The following RFX3 variants were observed in gnomAD, a reference collection of about 807,000 sequenced individuals.
The protein encoded by RFX3 is transcription factor RFX3.
RFX3 carries 14 observed loss-of-function variants against 98.6 expected under a neutral mutation model. That is an observed-to-expected ratio of 0.14 (90% CI 0.09 to 0.22). The LOEUF (loss-of-function observed/expected upper bound fraction) is 0.22, where lower values mean the gene tolerates loss of function less well. Ranked by LOEUF, RFX3 falls within the 10% of genes least tolerant of loss-of-function variation. The probability of loss-of-function intolerance (pLI) is 1.00; values close to 1 mark genes in which losing one functional copy is unlikely to be tolerated. For missense variants in RFX3, 639 were observed against 926.9 expected (o/e 0.69, Z 4.03); for synonymous variants, 383 against 328.4 (o/e 1.17, Z -1.80).
At position 3,414,748 on chromosome 9, in the gene RFX3, A is replaced by ATATATGAGTATATATG. The variant is rs1212248128; in HGVS notation, c.-8-19168_-8-19153dup. ...TATGAGTATATATGTATATATGAGTATATATGAGTATATATGTATATATGA... is the reference window on the plus strand; with the variant it reads ...TATGAGTATATATGTATATATGAGTATATATGAGTATATATGTATATGAGTATATATGTATATATGA... On this transcript the variant is annotated intron_variant, in intron 1 of 16. Transcript: ENST00000617270. Among the ~76,000 whole-genome samples the ATATATGAGTATATATG allele has an allele frequency of 3.5e-4, 43 of 124,244 alleles. 3 individuals carry two copies. Among genetic ancestry groups the ATATATGAGTATATATG allele is most frequent in the Non-Finnish European group, 7.0e-4 (40 of 57,302 alleles). 81.5% of individuals were successfully genotyped at this position (124,244 alleles called of 152,430 possible). A position where few individuals can be genotyped will look rare whatever the true frequency, so the allele number is the denominator to read the frequency against.
chr9:3,231,997 C>A (rs1818519228), intron 15 of RFX3, among the ~76,000 whole-genome samples: 1 of 151,976 alleles, frequency 6.6e-6, no homozygotes, highest in South Asian at 2.1e-4. Flanking sequence ...CGTGCCACTG[C>A]ACTCCAGCCT....
At chr9:3,351,951 G>C (rs965444292) in intron 2 of RFX3, among the ~76,000 whole-genome samples, 1 of 151,832 alleles carries the variant, frequency 6.6e-6, no homozygotes, top group African/African-American at 2.4e-5. Context: ...CTCAATATCT[G>C]AAGAGTTGCT....
At chr9:3,237,818 T>C (rs987328097) in intron 15 of RFX3, among the ~76,000 whole-genome samples, 3 of 152,194 alleles carry the variant, frequency 2.0e-5, no homozygotes, top group Non-Finnish European at 2.9e-5. Context: ...GAGCACAGCA[T>C]GGGCGGAACA....
At chr9:3,444,928 G>GAAA (rs1845907624) in intron 1 of RFX3, among the ~76,000 whole-genome samples, 1 of 152,146 alleles carries the variant, frequency 6.6e-6, no homozygotes, top group Non-Finnish European at 1.5e-5. Context: ...TTAGGTGAGG[G>GAAA]TCTAGGAGAA....
intron 1 of RFX3, chr9:3,452,327 A>C (rs926364670): frequency 3.4e-6 from 1 of 290,940 alleles, no homozygotes; most frequent in Middle Eastern, 8.0e-4. Context: ...ACATTGGCTC[A>C]TGCCTGTAAT....
chr9:3,220,741 A>G lies in RFX3; in HGVS notation c.*4301T>C, dbSNP rs1469004197. 1 of 152,018 alleles carries G rather than the reference A, an allele frequency of 6.6e-6. No individual in the cohort carries two copies. Among genetic ancestry groups the G allele is most frequent in the African/African-American group, 2.4e-5 (1 of 41,410 alleles). 9.4% of individuals were successfully genotyped at this position (152,018 alleles called of 1,614,324 possible). On this transcript the variant is annotated 3_prime_UTR_variant, in exon 17 of 17. Coordinates refer to ENST00000617270, the MANE Select transcript of RFX3 (RefSeq NM_001282116.2). Reference sequence around the variant, plus strand: ...CTGAAAGGCTTTTGTCCCCCATTGTATATCTTACAATGCTCAAAGGGTTAA... The same window carrying G: ...CTGAAAGGCTTTTGTCCCCCATTGTGTATCTTACAATGCTCAAAGGGTTAA...
rs554884122 is a variant in RFX3, at chr9:3,458,939, T to C, written c.-8-63343A>G. 2.0e-5 allele frequency among the ~76,000 whole-genome samples: 3 copies of C among 152,250 alleles called. No individual in the cohort carries two copies. The South Asian group carries it at 6.2e-4, about 32-fold the overall frequency. On this transcript the variant is annotated intron_variant, in intron 1 of 16. Transcript: ENST00000617270. ...ATTTGATTATCTGCCAAGAATAGTA[T>C]TGAAAACATTCCTGCATTGCCGTAG...
At chr9:3,376,360 C>A (rs1256728257) in intron 2 of RFX3, among the ~76,000 whole-genome samples, 1 of 152,132 alleles carries the variant, frequency 6.6e-6, no homozygotes, top group African/African-American at 2.4e-5. Context: ...AAATAAAAAC[C>A]TATGCCCTGA....
chr9:3,316,199 T>C (rs968553980), intron 4 of RFX3, among the ~76,000 whole-genome samples: 1 of 152,182 alleles, frequency 6.6e-6, no homozygotes, highest in African/African-American at 2.4e-5. Flanking sequence ...GCTTCATCCC[T>C]GGGATGCAAG....
chr9:3,264,768 A>C (rs1234530157), intron 12 of RFX3, among the ~76,000 whole-genome samples: 1 of 152,176 alleles, frequency 6.6e-6, no homozygotes, highest in Non-Finnish European at 1.5e-5. Context: ...TTGAATGTGG[A>C]GAGGAAAAAA....
At chr9:3,402,258 C>T (rs923059442) in intron 1 of RFX3, among the ~76,000 whole-genome samples, 9 of 152,128 alleles carry the variant, frequency 5.9e-5, no homozygotes, top group African/African-American at 2.2e-4. Context: ...AAGTTTGGTT[C>T]CACTACACTT....
chr9:3,431,095 A>T (rs1159424943), intron 1 of RFX3, among the ~76,000 whole-genome samples: 1 of 152,198 alleles, frequency 6.6e-6, no homozygotes, highest in Non-Finnish European at 1.5e-5. Context: ...TTTTGTAGCC[A>T]CCTTGTGTTG....
chr9:3,296,334 A>C (rs1281101016), intron 5 of RFX3, among the ~76,000 whole-genome samples: 1 of 152,016 alleles, frequency 6.6e-6, no homozygotes. Context: ...CCTAAATGAT[A>C]TTACTTATAT....
chr9:3,284,788 G>C (rs933494992), intron 7 of RFX3, among the ~76,000 whole-genome samples: 1 of 151,614 alleles, frequency 6.6e-6, no homozygotes, highest in African/African-American at 2.4e-5. Flanking sequence ...CTTTATTTTA[G>C]GTAAAATGGC....
At chr9:3,384,685 T>C (rs982948287) in intron 2 of RFX3, among the ~76,000 whole-genome samples, 2 of 152,192 alleles carry the variant, frequency 1.3e-5, no homozygotes, top group Non-Finnish European at 1.5e-5. Flanking sequence ...ATAGCTATTA[T>C]TGAAAACTTA....
intron 13 of RFX3, 29 bp downstream of exon 13, chr9:3,262,906 G>C (rs1393816846): frequency 1.2e-6 from 2 of 1,607,232 alleles, no homozygotes; most frequent in Non-Finnish European, 1.7e-6. Context: ...CTTTCCTTAA[G>C]AGACATGCTT....
At chr9:3,441,833 C>A (rs887249287) in intron 1 of RFX3, among the ~76,000 whole-genome samples, 10 of 151,966 alleles carry the variant, frequency 6.6e-5, no homozygotes, top group African/African-American at 2.4e-4. Flanking sequence ...TCTATAAAAC[C>A]CTCCCCTCCT....
chr9:3,394,729 C>T, intron 2 of RFX3: 1 of 681,444 alleles, frequency 1.5e-6, no homozygotes, highest in Non-Finnish European at 1.8e-6. Context: ...ATAGGCAAAT[C>T]TTGAATCTCA....
At position 3,247,940 on chromosome 9, in the gene RFX3, A is replaced by G. The variant is rs142651613; in HGVS notation, c.1968+92T>C. 1.0e-4 allele frequency: 163 copies of G among 1,613,244 alleles called. 1 individual carries two copies. In the Middle Eastern group the frequency reaches 3.6e-3, roughly 36 times the overall value. Reference sequence around the variant, plus strand: ...TCTGAGGCTGACTTGGTTAGGAACCATGGTTTTAATCAATAATGTATTTAG... The same window carrying G: ...TCTGAGGCTGACTTGGTTAGGAACCGTGGTTTTAATCAATAATGTATTTAG... On this transcript the variant is annotated intron_variant, in intron 15 of 16. Coordinates refer to ENST00000617270, the MANE Select transcript of RFX3 (RefSeq NM_001282116.2).
Sources: allele counts gnomAD v4.1 joint callset (sites outside exome capture counted in the v4.1 genomes callset), GRCh38; gene constraint gnomAD v4.1.1; transcripts MANE v1.5; gene names NCBI Gene and HGNC (gene_info 2026-07-23, HGNC 2026-07-21).